Variants in MYO5C observed in about 807,000 individuals in gnomAD.
MYO5C encodes the protein unconventional myosin-Vc.
In MYO5C, 194 loss-of-function variants were observed where a neutral mutation model predicts 235.7. The ratio of observed to expected loss-of-function variants is 0.82; its 90% CI spans 0.73 to 0.93. MYO5C has a LOEUF of 0.93. Among genes scored for constraint, MYO5C ranks in the 40% least tolerant of loss-of-function variants. The pLI, the probability that MYO5C is intolerant of heterozygous loss-of-function variation, is 0.00. For synonymous variants in MYO5C, 707 were observed against 754.8 expected (o/e 0.94, Z 1.04); for missense variants, 2,038 against 2,127.2 (o/e 0.96, Z 0.82).
intron 21 of MYO5C, among the ~76,000 whole-genome samples, chr15:52,239,195 C>T (rs138647291): frequency 1.3e-5 from 2 of 152,156 alleles, no homozygotes; most frequent in South Asian, 4.1e-4. Flanking sequence ...AGGTGATCCG[C>T]CCCCCATGGC....
intron 25 of MYO5C, among the ~76,000 whole-genome samples, chr15:52,226,857 A>T (rs2035834561): frequency 6.6e-6 from 1 of 152,152 alleles, no homozygotes; most frequent in South Asian, 2.1e-4. Context: ...TTCTTTGAAA[A>T]CCAGAGTAGG....
chr15:52,230,566 C>A (rs1192558265), intron 24 of MYO5C, among the ~76,000 whole-genome samples: 1 of 151,504 alleles, frequency 6.6e-6, no homozygotes, highest in Non-Finnish European at 1.5e-5. Context: ...CCCAACACCA[C>A]ACCCAGCTAA....
chr15:52,269,962 C>T, intron 7 of MYO5C, 102 bp from the exon 8 acceptor site: 5 of 799,820 alleles, frequency 6.3e-6, no homozygotes, highest in Non-Finnish European at 8.5e-6. Flanking sequence ...CTGTGTCATG[C>T]ACTTTACACA....
rs1241406159 is a variant in MYO5C at position 52,218,629 on chromosome 15, T to C, written c.3844A>G (p.Ile1282Val). The C allele has an allele frequency of 2.5e-6, 4 of 1,614,232 alleles. No individual in the cohort carries two copies. In the Admixed American group the frequency reaches 6.7e-5, roughly 27 times the overall value. The change falls in exon 32 of 41, where the codon ATT becomes GTT. Residue 1282 changes from isoleucine (I) to valine (V), a missense_variant. Ile to Val is a conservative substitution (Grantham distance 29, BLOSUM62 3). Coordinates refer to ENST00000261839, the MANE Select transcript of MYO5C (RefSeq NM_018728.4). Reference sequence around the variant, plus strand: ...TCACTGGCCTCCTGCATTTCTTGAATCTTATCAATCAGCTTCTCCTTCTCT... The same window carrying C: ...TCACTGGCCTCCTGCATTTCTTGAACCTTATCAATCAGCTTCTCCTTCTCT... ...TKEKEKLIDK[I>V]QEMQEASDHL...
chr15:52,283,044 G>C lies in MYO5C; in HGVS notation c.28-152C>G, dbSNP rs577228367. Reference sequence around the variant, plus strand: ...AATTTTGCTTATGAGGTGATCTTTCGTGCATCTGTGATGCACCAGGCCTGG... The same window carrying C: ...AATTTTGCTTATGAGGTGATCTTTCCTGCATCTGTGATGCACCAGGCCTGG... On this transcript the variant is annotated intron_variant, in intron 1 of 40. Coordinates refer to ENST00000261839, the MANE Select transcript of MYO5C (RefSeq NM_018728.4). 6.3e-6 allele frequency: 4 copies of C among 635,390 alleles called. No individual in the cohort carries two copies. The Middle Eastern group carries it at 1.3e-3, about 208-fold the overall frequency. The allele number at this position is 635,390 out of a possible 1,614,324, so 39.4% of individuals were successfully genotyped here. A position where few individuals can be genotyped will look rare whatever the true frequency, so the allele number is the denominator to read the frequency against.
intron 33 of MYO5C, chr15:52,213,600 C>G (rs1367144244): frequency 4.6e-6 from 1 of 217,270 alleles, no homozygotes; most frequent in Admixed American, 5.1e-5. Context: ...CTTCAAGATG[C>G]CAATGCTACT....
chr15:52,290,626 GA>G (rs36071351), intron 1 of MYO5C, among the ~76,000 whole-genome samples: 103,296 of 136,564 alleles, frequency 0.76, 40,623 homozygotes, highest in Middle Eastern at 0.9. Context: ...CAACCTTTAG[GA>G]AAAAAAAAAA....
intron 1 of MYO5C, among the ~76,000 whole-genome samples, chr15:52,286,151 G>A (rs946749833): frequency 1.3e-4 from 19 of 151,616 alleles, no homozygotes; most frequent in Middle Eastern, 3.4e-3. Flanking sequence ...GAGTCCCTCC[G>A]CCCGGCAGCC....
Position 52,244,263 on chromosome 15 carries a change from A to C in MYO5C, c.2390+93T>G, listed in dbSNP as rs1268666320. ...ACGTCTGCACCCTGGGTCACAGGAG[A>C]AAGGTCCCTTGTCCTTGATGAGTCC... On this transcript the variant is annotated intron_variant, in intron 19 of 40. Transcript: ENST00000261839. The C allele has an allele frequency of 4.7e-6, 6 of 1,285,808 alleles. No homozygotes were observed. In the Admixed American group the frequency reaches 6.1e-5, roughly 13 times the overall value. 79.6% of individuals were successfully genotyped at this position (1,285,808 alleles called of 1,614,324 possible).
chr15:52,256,229 C>G (rs576480114), intron 11 of MYO5C, among the ~76,000 whole-genome samples: 117 of 152,206 alleles, frequency 7.7e-4, no homozygotes, highest in African/African-American at 2.7e-3. Context: ...GATCTCAAAA[C>G]ACAAGCTGGA....
chr15:52,261,078 C>G lies in MYO5C; in HGVS notation c.1097G>C (p.Ser366Thr), dbSNP rs758442141. ...GCACAGCCACTGAGCAACTCTGCCACTCTCCAGGCCCAGGAGCTCACAGAA... is the reference window on the plus strand; with the variant it reads ...GCACAGCCACTGAGCAACTCTGCCAGTCTCCAGGCCCAGGAGCTCACAGAA... ...KVFCELLGLE[S>T]GRVAQWLCNR... The change falls in exon 10 of 41, where the codon AGT becomes ACT. Residue 366 changes from serine (S) to threonine (T), a missense_variant. Physicochemically the swap from Ser to Thr is moderately conservative, Grantham distance 58. Transcript: ENST00000261839. 6.2e-6 allele frequency: 10 copies of G among 1,614,210 alleles called. No homozygotes were observed. In the Admixed American group the frequency reaches 1.7e-4, roughly 27 times the overall value.
At chr15:52,260,783 C>G in intron 10 of MYO5C, 79 bp downstream of exon 10, 6 of 1,478,030 alleles carry the variant, frequency 4.1e-6, no homozygotes, top group Middle Eastern at 3.6e-4. Flanking sequence ...TACAAAAGAA[C>G]CAGAACAAAA....
chr15:52,240,548 GAAAA>G (rs1566975277), intron 20 of MYO5C, among the ~76,000 whole-genome samples: 1 of 130,652 alleles, frequency 7.7e-6, no homozygotes, highest in South Asian at 2.5e-4. Flanking sequence ...TACAAAAAAA[GAAAA>G]AGAAGAAAAA....
intron 8 of MYO5C, among the ~76,000 whole-genome samples, chr15:52,267,549 G>A (rs1282633038): frequency 3.9e-5 from 6 of 152,130 alleles, no homozygotes; most frequent in Admixed American, 6.5e-5. Flanking sequence ...AGCTGGGGGC[G>A]GTGGCATGTG....
At chr15:52,284,349 C>A (rs1458563427) in intron 1 of MYO5C, among the ~76,000 whole-genome samples, 2 of 152,148 alleles carry the variant, frequency 1.3e-5, no homozygotes, top group Non-Finnish European at 2.9e-5. Flanking sequence ...AAATGAGTAC[C>A]TCCTATGTGA....
In MYO5C at chr15:52,195,469, A is replaced by G. The variant is rs771359564; in HGVS notation, c.4996-12T>C. Reference sequence around the variant, plus strand: ...AGGATCTTTATGATCTGCAAACGGTACATAACATGGTGTTAGACCATGCAA... The same window carrying G: ...AGGATCTTTATGATCTGCAAACGGTGCATAACATGGTGTTAGACCATGCAA... On this transcript the variant is annotated splice_polypyrimidine_tract_variant and intron_variant, in intron 39 of 40. Transcript: ENST00000261839. The G allele has an allele frequency of 1.9e-6, 3 of 1,583,218 alleles. No homozygotes were observed. Among genetic ancestry groups the G allele is most frequent in the Non-Finnish European group, 8.7e-7 (1 of 1,154,266 alleles).
intron 32 of MYO5C, among the ~76,000 whole-genome samples, chr15:52,217,727 G>A (rs1252251731): frequency 1.3e-5 from 2 of 152,202 alleles, no homozygotes; most frequent in African/African-American, 4.8e-5. Flanking sequence ...CTCAAAATAT[G>A]TTTTTCCTCT....
intron 8 of MYO5C, among the ~76,000 whole-genome samples, chr15:52,265,559 G>C (rs1039004729): frequency 1.3e-5 from 2 of 148,358 alleles, no homozygotes; most frequent in African/African-American, 5.0e-5. Flanking sequence ...TTTTTTTTGA[G>C]ACAAGGTCTC....
intron 1 of MYO5C, among the ~76,000 whole-genome samples, chr15:52,289,760 T>C (rs1169103905): frequency 6.6e-6 from 1 of 152,220 alleles, no homozygotes; most frequent in Non-Finnish European, 1.5e-5. Flanking sequence ...AGAAAAGCTT[T>C]GAAAATCAAC....
Sources: allele counts gnomAD v4.1 joint callset (sites outside exome capture counted in the v4.1 genomes callset), GRCh38; gene constraint gnomAD v4.1.1; transcripts MANE v1.5; gene names NCBI Gene and HGNC (gene_info 2026-07-23, HGNC 2026-07-21).